Variants in CYSRT1 observed in about 807,000 individuals in gnomAD.
CYSRT1 encodes cysteine rich tail 1.
CYSRT1 carries 7 observed loss-of-function variants against 6.2 expected under a neutral mutation model. The observed-to-expected ratio is 1.13, with a 90% CI of 0.64 to 2.13. The LOEUF (loss-of-function observed/expected upper bound fraction) is 2.13. Ranked by LOEUF, CYSRT1 falls within the 30% of genes most tolerant of loss-of-function variation. The pLI, the probability that CYSRT1 is intolerant of heterozygous loss-of-function variation, is 0.00. For synonymous variants in CYSRT1, 75 were observed against 83.1 expected, an observed-to-expected ratio of 0.90 and a Z score of 0.53; for missense variants, 188 against 196.4, an observed-to-expected ratio of 0.96 and a Z score of 0.26.
At chr9:137,225,469 A>C (rs1241375104) in intron 1 of CYSRT1, 145 bp from the exon 2 acceptor site, 1 of 1,431,194 alleles carries the variant, frequency 7.0e-7, no homozygotes, top group Non-Finnish European at 9.2e-7. Flanking sequence ...TTTGGAGGTG[A>C]TGGCACCCCG....
chr9:137,225,359 G>A (rs1419400709), intron 1 of CYSRT1, 126 bp downstream of exon 1: 4 of 1,117,970 alleles, frequency 3.6e-6, no homozygotes, highest in Non-Finnish European at 3.8e-6. Context: ...GCCACCAGGG[G>A]AGGGGGAGGA....
chr9:137,225,867 GGCCTGGCAGCA>G lies in CYSRT1; in HGVS notation c.255_265del (p.Gln86ProfsTer24), dbSNP rs1406962281. 1.7e-5 allele frequency: 26 copies of G among 1,546,004 alleles called. No homozygotes were observed. The highest frequency in any genetic ancestry group is 2.2e-5 in the Non-Finnish European group (25 of 1,146,836). On this transcript the variant is annotated frameshift_variant, in exon 2 of 2. Transcript: ENST00000650725. LOFTEE classifies it high-confidence loss of function. ...GGGCTGCCCCCATCCAGAACCAGCAGGCCTGGCAGCAGCCTGGCAACCCCTACAGCAGCAGT... is the reference window on the plus strand; with the variant it reads ...GGGCTGCCCCCATCCAGAACCAGCAGGCCTGGCAACCCCTACAGCAGCAGT...
In CYSRT1 at chr9:137,225,983, G is replaced by GT. The variant is rs1167372518; in HGVS notation, c.362_363insT (p.Cys123LeufsTer?). ...GACATCGCCCACCACTGCTGCTGCT[G>GT]CCCCTGCTGCCACTGCTGCCACTGC... On this transcript the variant is annotated frameshift_variant, in exon 2 of 2. Transcript: ENST00000650725. LOFTEE classifies it high-confidence loss of function. 6.5e-7 allele frequency: 1 copy of GT among 1,549,064 alleles called. No homozygotes were observed. Among genetic ancestry groups the GT allele is most frequent in the Admixed American group, 2.0e-5 (1 of 50,984 alleles).
Position 137,226,300 on chromosome 9 carries a change from A to C in CYSRT1, c.*244A>C. On this transcript the variant is annotated 3_prime_UTR_variant, in exon 2 of 2. Coordinates refer to ENST00000650725, the MANE Select transcript of CYSRT1 (RefSeq NM_199001.5). ...AAGGCCCAGGCAATAAAGCAGGGTG[A>C]TCTTCCTCCCAGCAATTCTTCTTTG... 1 of 674,950 alleles carries C rather than the reference A, an allele frequency of 1.5e-6. No homozygotes were observed. The allele number at this position is 674,950 out of a possible 1,614,324, so 41.8% of individuals were successfully genotyped here.
Position 137,226,163 on chromosome 9 carries a change from C to T in CYSRT1, c.*107C>T. On this transcript the variant is annotated 3_prime_UTR_variant, in exon 2 of 2. Coordinates refer to ENST00000650725, the MANE Select transcript of CYSRT1 (RefSeq NM_199001.5). The stretch of plus-strand genomic sequence containing the variant: ...GGTGGCTGTTGTCATGGGCGTCTGC[C>T]CCTTCACACCAGGCACTGGGGCTCA... 6.8e-7 allele frequency: 1 copy of T among 1,475,492 alleles called. No homozygotes were observed. The highest frequency in any genetic ancestry group is 2.2e-5 in the Admixed American group (1 of 45,228). The allele number at this position is 1,475,492 out of a possible 1,614,324, so 91.4% of individuals were successfully genotyped here. A position where few individuals can be genotyped will look rare whatever the true frequency, so the allele number is the denominator to read the frequency against.
At position 137,226,191 on chromosome 9, in the gene CYSRT1, C is replaced by A. The variant is rs1835972952; in HGVS notation, c.*135C>A. On this transcript the variant is annotated 3_prime_UTR_variant, in exon 2 of 2. Transcript: ENST00000650725. ...TTCACACCAGGCACTGGGGCTCAGA[C>A]CCACCAGGAAGGTGGCCGTTCAGCC... 1 of 1,441,864 alleles carries A rather than the reference C, an allele frequency of 6.9e-7. No homozygotes were observed. Among genetic ancestry groups the A allele is most frequent in the Non-Finnish European group, 9.2e-7 (1 of 1,087,346 alleles). The allele number at this position is 1,441,864 out of a possible 1,614,324, so 89.3% of individuals were successfully genotyped here.
In CYSRT1 at chr9:137,225,198, A is replaced by G. The variant is rs773272978; in HGVS notation, c.-44A>G. On this transcript the variant is annotated 5_prime_UTR_variant, in exon 1 of 2. Coordinates refer to ENST00000650725, the MANE Select transcript of CYSRT1 (RefSeq NM_199001.5). ...CAGGCACTGGGACCTAGAGCTCAGA[A>G]GACCGAGAGGACAGACTGCCGTGTT... is the stretch of plus-strand genomic sequence containing the variant. 2.8e-5 allele frequency: 44 copies of G among 1,550,332 alleles called. No homozygotes were observed. The South Asian group carries it at 4.4e-4, about 16-fold the overall frequency.
Position 137,225,826 on chromosome 9 carries a change from G to A in CYSRT1, c.205G>A (p.Ala69Thr), listed in dbSNP as rs770200987. Residue 69 changes from alanine (A) to threonine (T), a missense_variant, in exon 2 of 2, where the codon GCC becomes ACC. Transcript: ENST00000650725. ...GACCGAGGTCCCAGGGCCCAAGGGC[G>A]CCAAGGGTAACCAGGGGGCTGCCCC... ...QPTEVPGPKGAKGNQGAAPIQ... is the reference protein window; with the variant it reads ...QPTEVPGPKGTKGNQGAAPIQ... 2.0e-5 allele frequency: 31 copies of A among 1,548,254 alleles called. No homozygotes were observed. The highest frequency in any genetic ancestry group is 1.7e-4 in the Middle Eastern group (1 of 6,014).
chr9:137,225,803 C>G lies in CYSRT1; in HGVS notation c.182C>G (p.Thr61Ser), dbSNP rs773856592. The G allele has an allele frequency of 5.9e-5, 92 of 1,549,464 alleles. No individual in the cohort carries two copies. Among genetic ancestry groups the G allele is most frequent in the Non-Finnish European group, 7.9e-5 (91 of 1,146,896 alleles). ...GAGCCAACCCACCTCTTGCAGCCGACCGAGGTCCCAGGGCCCAAGGGCGCC... is the reference window on the plus strand; with the variant it reads ...GAGCCAACCCACCTCTTGCAGCCGAGCGAGGTCCCAGGGCCCAAGGGCGCC... ...APEPTHLLQPTEVPGPKGAKG... is the reference protein window; with the variant it reads ...APEPTHLLQPSEVPGPKGAKG... The change falls in exon 2 of 2, where the codon ACC (threonine) becomes AGC (serine). Residue 61 changes from threonine (T) to serine (S), a missense_variant. Thr to Ser is a moderately conservative substitution (Grantham distance 58). Coordinates refer to ENST00000650725, the MANE Select transcript of CYSRT1 (RefSeq NM_199001.5).
Position 137,226,238 on chromosome 9 carries a change from C to G in CYSRT1, c.*182C>G. ...AGCCCGAGCTCCTGAAACGGAATCC[C>G]AGGTCCTGGCTGGAGAGGGACACCC... On this transcript the variant is annotated 3_prime_UTR_variant, in exon 2 of 2. Transcript: ENST00000650725. 1 of 1,192,812 alleles carries G rather than the reference C, an allele frequency of 8.4e-7. No individual in the cohort carries two copies. Among genetic ancestry groups the G allele is most frequent in the Non-Finnish European group, 1.1e-6 (1 of 869,692 alleles). The allele number at this position is 1,192,812 out of a possible 1,614,324, so 73.9% of individuals were successfully genotyped here.
rs552400420 is a variant in CYSRT1, at chr9:137,225,914, C to G, written c.293C>G (p.Ala98Gly). The G allele has an allele frequency of 1.3e-6, 2 of 1,546,010 alleles. No homozygotes were observed. Among genetic ancestry groups the G allele is most frequent in the East Asian group, 4.9e-5 (2 of 40,900 alleles). The change falls in exon 2 of 2, where the codon GCC becomes GGC. Residue 98 changes from alanine (A) to glycine (G), a missense_variant. Physicochemically the swap from Ala to Gly is moderately conservative, Grantham distance 60 (BLOSUM62 0). Coordinates refer to ENST00000650725, the MANE Select transcript of CYSRT1 (RefSeq NM_199001.5). ...CCCTACAGCAGCAGTCAGCGCCAGG[C>G]CGGACTGACCTACGCTGGCCCTCCG... ...GNPYSSSQRQAGLTYAGPPPA... is the reference protein window; with the variant it reads ...GNPYSSSQRQGGLTYAGPPPA...
chr9:137,225,315 C>G lies in CYSRT1; in HGVS notation c.-9+82C>G. The G allele has an allele frequency of 2.4e-6, 3 of 1,265,990 alleles. No homozygotes were observed. In the South Asian group the frequency reaches 4.0e-5, roughly 17 times the overall value. The allele number at this position is 1,265,990 out of a possible 1,614,324, so 78.4% of individuals were successfully genotyped here. On this transcript the variant is annotated intron_variant, in intron 1 of 1. Transcript: ENST00000650725. ...CCTTCTCTCCCATCTCTCAGCCTCC[C>G]CGACCCCATTCCCAGCTCCATCCCA...
chr9:137,226,060 A>G lies in CYSRT1; in HGVS notation c.*4A>G. On this transcript the variant is annotated 3_prime_UTR_variant, in exon 2 of 2. Coordinates refer to ENST00000650725, the MANE Select transcript of CYSRT1 (RefSeq NM_199001.5). ...CTGCTGCTGTGTCATCTCCTAGCCC[A>G]GCCCACCCTGCCAGGGCCAGGACCC... 1.9e-6 allele frequency: 3 copies of G among 1,544,564 alleles called. No individual in the cohort carries two copies. The highest frequency in any genetic ancestry group is 2.6e-6 in the Non-Finnish European group (3 of 1,143,728).
At position 137,225,679 on chromosome 9, in the gene CYSRT1, GCT is replaced by G; in HGVS notation, c.60_61del (p.His21ProfsTer4). On this transcript the variant is annotated frameshift_variant, in exon 2 of 2. Transcript: ENST00000650725. LOFTEE classifies it low-confidence loss of function (END_TRUNC). ...NPYAHISIPR[A>X]HLRPDLGQQL... ...ATATGCCCACATCAGCATCCCCCGG[GCT>G]CACCTGCGGCCTGACCTGGGGCAGC... 2.6e-6 allele frequency: 4 copies of G among 1,550,436 alleles called. No individual in the cohort carries two copies. Among genetic ancestry groups the G allele is most frequent in the Non-Finnish European group, 3.5e-6 (4 of 1,146,962 alleles).
chr9:137,226,145 G>A lies in CYSRT1; in HGVS notation c.*89G>A. On this transcript the variant is annotated 3_prime_UTR_variant, in exon 2 of 2. Coordinates refer to ENST00000650725, the MANE Select transcript of CYSRT1 (RefSeq NM_199001.5). ...ACATGCCGGGACATGCGGGGTGGCTGTTGTCATGGGCGTCTGCCCCTTCAC... is the reference window on the plus strand; with the variant it reads ...ACATGCCGGGACATGCGGGGTGGCTATTGTCATGGGCGTCTGCCCCTTCAC... 1 of 1,489,350 alleles carries A rather than the reference G, an allele frequency of 6.7e-7. No homozygotes were observed. The highest frequency in any genetic ancestry group is 9.0e-7 in the Non-Finnish European group (1 of 1,109,402). The allele number at this position is 1,489,350 out of a possible 1,614,324, so 92.3% of individuals were successfully genotyped here.
At position 137,225,203 on chromosome 9, in the gene CYSRT1, G is replaced by GA. The variant is rs1564409751; in HGVS notation, c.-38dup. On this transcript the variant is annotated 5_prime_UTR_variant, in exon 1 of 2. Transcript: ENST00000650725. Reference sequence around the variant, plus strand: ...ACTGGGACCTAGAGCTCAGAAGACCGAGAGGACAGACTGCCGTGTTGCCAC... The same window carrying GA: ...ACTGGGACCTAGAGCTCAGAAGACCGAAGAGGACAGACTGCCGTGTTGCCAC... The GA allele has an allele frequency of 5.2e-6, 8 of 1,550,288 alleles. 1 individual carries two copies. The South Asian group carries it at 8.3e-5, about 16-fold the overall frequency.
intron 1 of CYSRT1, 135 bp downstream of exon 1, chr9:137,225,368 G>C: frequency 8.8e-7 from 1 of 1,134,128 alleles, no homozygotes; most frequent in Non-Finnish European, 1.2e-6. Context: ...GGAGGGGGAG[G>C]ATCCCTGGCA....
In CYSRT1 at chr9:137,225,984, C is replaced by A; in HGVS notation, c.363C>A (p.Cys121Ter). 1.5e-5 allele frequency: 24 copies of A among 1,549,224 alleles called. No homozygotes were observed. The highest frequency in any genetic ancestry group is 2.1e-5 in the Non-Finnish European group (24 of 1,146,766). ...ACATCGCCCACCACTGCTGCTGCTGCCCCTGCTGCCACTGCTGCCACTGCC... is the reference window on the plus strand; with the variant it reads ...ACATCGCCCACCACTGCTGCTGCTGACCCTGCTGCCACTGCTGCCACTGCC... ...GDDIAHHCCC[C>*]PCCHCCHCPP... The change falls in exon 2 of 2, where the codon TGC (cysteine) becomes TGA (stop). Residue 121 changes from cysteine (C) to a stop codon, truncating the protein, a stop_gained. Coordinates refer to ENST00000650725, the MANE Select transcript of CYSRT1 (RefSeq NM_199001.5). LOFTEE classifies it high-confidence loss of function.
chr9:137,226,038 C>G lies in CYSRT1; in HGVS notation c.417C>G (p.Cys139Trp). The change falls in exon 2 of 2, where the codon TGC (cysteine) becomes TGG (tryptophan). Residue 139 changes from cysteine (C) to tryptophan (W), a missense_variant. Transcript: ENST00000650725. Reference sequence around the variant, plus strand: ...CCTTCTGCCGCTGCCACAGCTGCTGCTGCTGTGTCATCTCCTAGCCCAGCC... The same window carrying G: ...CCTTCTGCCGCTGCCACAGCTGCTGGTGCTGTGTCATCTCCTAGCCCAGCC... ...CPPFCRCHSCCCCVIS is the reference protein window; with the variant it reads ...CPPFCRCHSCWCCVIS The G allele has an allele frequency of 6.5e-7, 1 of 1,548,774 alleles. No individual in the cohort carries two copies. Among genetic ancestry groups the G allele is most frequent in the Non-Finnish European group, 8.7e-7 (1 of 1,146,804 alleles).
Sources: allele counts gnomAD v4.1 joint callset, GRCh38; gene constraint gnomAD v4.1.1; transcripts MANE v1.5; gene names NCBI Gene and HGNC (gene_info 2026-07-23, HGNC 2026-07-21).